The following GRID2 variants were observed in gnomAD, a reference collection of about 807,000 sequenced individuals.
The protein encoded by GRID2 is glutamate ionotropic receptor delta type subunit 2.
GRID2 carries 33 observed loss-of-function variants against 114.8 expected under a neutral mutation model. That is an observed-to-expected ratio of 0.29 (90% confidence interval 0.22 to 0.38). GRID2 has a LOEUF of 0.38. Among genes scored for constraint, GRID2 ranks in the 10% least tolerant of loss-of-function variants. The probability of loss-of-function intolerance (pLI) is 1.00; values close to 1 mark genes in which losing one functional copy is unlikely to be tolerated. For missense variants in GRID2, 1,184 were observed against 1,257.7 expected (o/e 0.94, Z 0.89); for synonymous variants, 505 against 449.9 (o/e 1.12, Z -1.55).
chr4:92,801,239 T>G (rs1740151435), intron 2 of GRID2, among the ~76,000 whole-genome samples: 1 of 152,026 alleles, frequency 6.6e-6, no homozygotes. Context: ...AATCATCTCT[T>G]TGCCAATCAT....
chr4:93,393,793 G>A (rs1186239439), intron 8 of GRID2, among the ~76,000 whole-genome samples: 1 of 152,000 alleles, frequency 6.6e-6, no homozygotes, highest in African/African-American at 2.4e-5. Context: ...TCAAGTTGGT[G>A]CTAATAGATG....
chr4:93,189,907 G>A (rs1358572490), intron 4 of GRID2, among the ~76,000 whole-genome samples: 2 of 151,272 alleles, frequency 1.3e-5, no homozygotes, highest in African/African-American at 4.9e-5. Flanking sequence ...ATAGATCAAA[G>A]TCCTTACCTC....
At chr4:93,751,279 C>A (rs1732296190) in intron 14 of GRID2, among the ~76,000 whole-genome samples, 1 of 152,126 alleles carries the variant, frequency 6.6e-6, no homozygotes, top group Non-Finnish European at 1.5e-5. Context: ...TCATAAATAA[C>A]AACAGATCTA....
intron 2 of GRID2, among the ~76,000 whole-genome samples, chr4:92,855,748 A>G (rs1272087237): frequency 2.0e-5 from 3 of 152,040 alleles, no homozygotes; most frequent in Admixed American, 2.0e-4. Flanking sequence ...TGATTACTTC[A>G]TAAGTATAAT....
intron 2 of GRID2, among the ~76,000 whole-genome samples, chr4:92,909,875 A>G (rs1436383621): frequency 6.6e-6 from 1 of 152,172 alleles, no homozygotes. Flanking sequence ...AATTATAAAT[A>G]TGAGGTTGGA....
chr4:93,584,874 T>G (rs1471004447), intron 13 of GRID2, among the ~76,000 whole-genome samples: 1 of 152,084 alleles, frequency 6.6e-6, no homozygotes, highest in African/African-American at 2.4e-5. Flanking sequence ...TGCCTAATGA[T>G]TTCCCATCAA....
chr4:93,687,524 T>G (rs17020981), intron 14 of GRID2, among the ~76,000 whole-genome samples: 6,250 of 151,840 alleles, frequency 0.041, 195 homozygotes, highest in African/African-American at 0.081. Context: ...CACCAAAAAG[T>G]AACAGCCAGG....
At position 92,747,405 on chromosome 4, in the gene GRID2, C is replaced by T. The variant is rs182348699; in HGVS notation, c.244+157119C>T. On this transcript the variant is annotated intron_variant, in intron 2 of 15. Transcript: ENST00000282020. ...TCCCCTAAAAGCTAAAAGCTTAAGG[C>T]ATTTGCCTTAAATTTCAGAAGTAAA... Among the ~76,000 whole-genome samples the T allele has an allele frequency of 5.4e-4, 82 of 152,074 alleles. No individual in the cohort carries two copies. In the Middle Eastern group the frequency reaches 0.01, roughly 19 times the overall value.
At chr4:93,747,876 C>A (rs1731983019) in intron 14 of GRID2, among the ~76,000 whole-genome samples, 1 of 151,718 alleles carries the variant, frequency 6.6e-6, no homozygotes, top group Non-Finnish European at 1.5e-5. Flanking sequence ...TAAAGACATT[C>A]AAAAAATTAT....
chr4:93,307,559 C>A (rs1354876097), intron 8 of GRID2, among the ~76,000 whole-genome samples: 3 of 152,110 alleles, frequency 2.0e-5, no homozygotes, highest in Non-Finnish European at 4.4e-5. Context: ...CTCCTCCATG[C>A]AGGGATCTTG....
At chr4:93,288,756 G>T (rs1753439455) in intron 8 of GRID2, among the ~76,000 whole-genome samples, 1 of 152,160 alleles carries the variant, frequency 6.6e-6, no homozygotes, top group Non-Finnish European at 1.5e-5. Flanking sequence ...AAGGTTTAAA[G>T]ATACCTTTTC....
chr4:93,400,675 T>C (rs977374124), intron 9 of GRID2, among the ~76,000 whole-genome samples: 1 of 152,078 alleles, frequency 6.6e-6, no homozygotes, highest in African/African-American at 2.4e-5. Context: ...GTATAAGATA[T>C]CTGAGAACCA....
intron 2 of GRID2, among the ~76,000 whole-genome samples, chr4:92,643,764 T>TA (rs1428394323): frequency 5.3e-5 from 8 of 151,532 alleles, no homozygotes; most frequent in Non-Finnish European, 1.2e-4. Context: ...CTGGCCAAAT[T>TA]TAAAAAAAAA....
chr4:93,399,183 G>A (rs1765648983), intron 9 of GRID2, among the ~76,000 whole-genome samples: 2 of 151,988 alleles, frequency 1.3e-5, no homozygotes, highest in Admixed American at 1.3e-4. Context: ...AAAAGGGAAA[G>A]GACCAATGTG....
chr4:93,336,932 T>C (rs749952874), intron 8 of GRID2, among the ~76,000 whole-genome samples: 2 of 151,096 alleles, frequency 1.3e-5, no homozygotes, highest in Non-Finnish European at 2.9e-5. Context: ...ATTTTAACTT[T>C]AGTGTAAATA....
At chr4:92,967,908 G>A (rs1460011614) in intron 2 of GRID2, among the ~76,000 whole-genome samples, 1 of 151,818 alleles carries the variant, frequency 6.6e-6, no homozygotes, top group Admixed American at 6.6e-5. Context: ...TGTGGAAAGC[G>A]GTGCAGGATG....
chr4:92,479,346 G>A (rs1722469543), intron 1 of GRID2, among the ~76,000 whole-genome samples: 1 of 152,008 alleles, frequency 6.6e-6, no homozygotes, highest in Non-Finnish European at 1.5e-5. Context: ...AATGGTCCAA[G>A]TCTAATTCAT....
Position 92,993,539 on chromosome 4 carries a change from T to A in GRID2, c.245-91456T>A, listed in dbSNP as rs373916785. ...ATATTTCTTTTTACCCAAAATAAATTAATGTTAAAATTAATCTCCATCTCT... is the reference window on the plus strand; with the variant it reads ...ATATTTCTTTTTACCCAAAATAAATAAATGTTAAAATTAATCTCCATCTCT... On this transcript the variant is annotated intron_variant, in intron 2 of 15. Coordinates refer to ENST00000282020, the MANE Select transcript of GRID2 (RefSeq NM_001510.4). Among the ~76,000 whole-genome samples, 60 of 152,348 alleles carry A rather than the reference T, an allele frequency of 3.9e-4. 2 individuals carry two copies. The South Asian group carries it at 0.012, about 30-fold the overall frequency.
intron 4 of GRID2, among the ~76,000 whole-genome samples, chr4:93,120,525 C>G (rs1370344726): frequency 1.3e-5 from 2 of 152,098 alleles, no homozygotes; most frequent in Non-Finnish European, 2.9e-5. Flanking sequence ...TGTTCTCACT[C>G]ATAAGTGGGA....
Sources: gnomAD v4.1 joint callset for allele counts (sites outside exome capture counted in the v4.1 genomes callset) on GRCh38, gnomAD v4.1.1 for gene constraint, MANE v1.5 for transcripts, NCBI Gene and HGNC (gene_info 2026-07-23, HGNC 2026-07-21) for gene names.